Variants in ADGRB3 observed in about 807,000 individuals in gnomAD.
ADGRB3 encodes the protein brain-specific angiogenesis inhibitor 3.
Under a neutral mutation model 193.4 loss-of-function variants are expected in ADGRB3, and 37 were observed. That is an observed-to-expected ratio of 0.19 (90% CI 0.15 to 0.25). ADGRB3 has a LOEUF of 0.25. Ranked by LOEUF, ADGRB3 falls within the 10% of genes least tolerant of loss-of-function variation. The pLI, the probability that ADGRB3 is intolerant of heterozygous loss-of-function variation, is 1.00. For synonymous variants in ADGRB3, 690 were observed against 644.2 expected (o/e 1.07, Z -1.08); for missense variants, 1,637 against 1,852.9 (o/e 0.88, Z 2.14).
At chr6:68,691,115 G>A (rs1765065353) in intron 3 of ADGRB3, among the ~76,000 whole-genome samples, 3 of 151,968 alleles carry the variant, frequency 2.0e-5, no homozygotes, top group Admixed American at 1.3e-4. Flanking sequence ...AATGCATATA[G>A]GATCAAGTAT....
intron 17 of ADGRB3, among the ~76,000 whole-genome samples, chr6:69,198,166 T>C (rs1765340371): frequency 6.6e-6 from 1 of 152,098 alleles, no homozygotes; most frequent in Admixed American, 6.6e-5. Context: ...TTTGTTTTTG[T>C]CAGTCTTCCA....
intron 3 of ADGRB3, among the ~76,000 whole-genome samples, chr6:68,640,834 A>G (rs1166531411): frequency 6.6e-6 from 1 of 152,180 alleles, no homozygotes; most frequent in Non-Finnish European, 1.5e-5. Flanking sequence ...AGAGGAAAAG[A>G]CCTGTTAGAA....
rs369128583 is a variant in ADGRB3 at position 69,209,934 on chromosome 6, A to G, written c.2481-23356A>G. On this transcript the variant is annotated intron_variant, in intron 17 of 31. Transcript: ENST00000370598. ...GTGTTCTCCATACTATTAGAAGAAG[A>G]GTCCTTAGTATTTTGAGGTCTAATC... Among the ~76,000 whole-genome samples the G allele has an allele frequency of 1.2e-3, 184 of 151,774 alleles. 2 individuals carry two copies. In the South Asian group the frequency reaches 0.03, roughly 25 times the overall value.
At chr6:68,841,416 A>G (rs994495469) in intron 3 of ADGRB3, among the ~76,000 whole-genome samples, 3 of 152,170 alleles carry the variant, frequency 2.0e-5, no homozygotes, top group South Asian at 2.1e-4. Context: ...TCTGGCCACA[A>G]TGGAATAAAA....
intron 3 of ADGRB3, among the ~76,000 whole-genome samples, chr6:68,810,221 G>T (rs916931049): frequency 6.6e-6 from 1 of 152,130 alleles, no homozygotes; most frequent in Non-Finnish European, 1.5e-5. Flanking sequence ...GCTTTGGGAA[G>T]CTGTGATTCC....
intron 20 of ADGRB3, among the ~76,000 whole-genome samples, chr6:69,243,945 A>G (rs1176026667): frequency 6.6e-6 from 1 of 152,108 alleles, no homozygotes; most frequent in Non-Finnish European, 1.5e-5. Flanking sequence ...TTTGGGAACT[A>G]CTAGTCAATT....
chr6:69,083,138 C>A (rs1035174530), intron 17 of ADGRB3, among the ~76,000 whole-genome samples: 1 of 152,188 alleles, frequency 6.6e-6, no homozygotes, highest in African/African-American at 2.4e-5. Flanking sequence ...AAATTTAAAT[C>A]CATATCTCCT....
intron 3 of ADGRB3, among the ~76,000 whole-genome samples, chr6:68,859,869 A>T (rs1363635313): frequency 6.6e-6 from 1 of 152,204 alleles, no homozygotes; most frequent in Non-Finnish European, 1.5e-5. Context: ...ATTATTGAGG[A>T]GCCCCAATAT....
At chr6:69,295,157 C>T (rs571442477) in intron 20 of ADGRB3, among the ~76,000 whole-genome samples, 111 of 152,212 alleles carry the variant, frequency 7.3e-4, no homozygotes, top group Non-Finnish European at 9.0e-4. Context: ...TTCAATTATC[C>T]GTGTCAGTAG....
chr6:69,314,202 A>G (rs1471352231), intron 20 of ADGRB3, among the ~76,000 whole-genome samples: 1 of 151,730 alleles, frequency 6.6e-6, no homozygotes, highest in Non-Finnish European at 1.5e-5. Flanking sequence ...AAGATCTTCA[A>G]ATTATGAACA....
At chr6:68,997,044 A>AG (rs1769405108) in intron 11 of ADGRB3, among the ~76,000 whole-genome samples, 1 of 152,332 alleles carries the variant, frequency 6.6e-6, no homozygotes, top group African/African-American at 2.4e-5. Flanking sequence ...GTTATGTGCA[A>AG]GGTATTTTAT....
At chr6:68,711,053 G>A (rs1765400317) in intron 3 of ADGRB3, among the ~76,000 whole-genome samples, 1 of 152,046 alleles carries the variant, frequency 6.6e-6, no homozygotes, top group African/African-American at 2.4e-5. Context: ...ACCCCAGCAA[G>A]TCTCCATTAT....
At chr6:69,318,036 T>C (rs1324129061) in intron 20 of ADGRB3, among the ~76,000 whole-genome samples, 1 of 151,474 alleles carries the variant, frequency 6.6e-6, no homozygotes, top group Non-Finnish European at 1.5e-5. Flanking sequence ...TAAGGAGATA[T>C]ATTATCTGCA....
intron 3 of ADGRB3, among the ~76,000 whole-genome samples, chr6:68,906,916 C>T (rs899905014): frequency 1.3e-5 from 2 of 151,966 alleles, no homozygotes; most frequent in Non-Finnish European, 2.9e-5. Flanking sequence ...TTAATATTTG[C>T]TTCTGTACTG....
intron 13 of ADGRB3, among the ~76,000 whole-genome samples, chr6:69,042,823 G>A (rs1280956852): frequency 6.6e-6 from 1 of 152,108 alleles, no homozygotes; most frequent in Non-Finnish European, 1.5e-5. Context: ...CATGAAAAAT[G>A]ATGCAAACTT....
intron 11 of ADGRB3, among the ~76,000 whole-genome samples, chr6:68,997,899 A>G (rs1330760701): frequency 1.3e-5 from 2 of 152,136 alleles, no homozygotes; most frequent in African/African-American, 4.8e-5. Flanking sequence ...ATATAAAAAC[A>G]TTTATTTTTT....
chr6:69,259,553 G>A (rs964236964), intron 20 of ADGRB3, among the ~76,000 whole-genome samples: 3 of 151,848 alleles, frequency 2.0e-5, no homozygotes, highest in South Asian at 2.1e-4. Flanking sequence ...AAAAATAGCC[G>A]GGCTTGGTGG....
At chr6:68,962,528 T>C (rs1768264593) in intron 8 of ADGRB3, among the ~76,000 whole-genome samples, 1 of 152,192 alleles carries the variant, frequency 6.6e-6, no homozygotes, top group African/African-American at 2.4e-5. Flanking sequence ...AAAAGCAATT[T>C]TCTGTAATCT....
At chr6:69,169,535 TTATAA>T (rs1258465314) in intron 17 of ADGRB3, among the ~76,000 whole-genome samples, 7 of 149,816 alleles carry the variant, frequency 4.7e-5, no homozygotes, top group South Asian at 2.1e-4. Flanking sequence ...CATAATTAAA[TTATAA>T]TATAAGCACG....
Sources: gnomAD v4.1 joint callset for allele counts (sites outside exome capture counted in the v4.1 genomes callset) on GRCh38, gnomAD v4.1.1 for gene constraint, MANE v1.5 for transcripts, NCBI Gene and HGNC (gene_info 2026-07-23, HGNC 2026-07-21) for gene names.